POLRMT: variants seen among roughly 807,000 people sequenced by gnomAD.
POLRMT encodes the protein DNA-directed RNA polymerase, mitochondrial.
A neutral mutation model predicts 132.2 loss-of-function variants in POLRMT; 114 were observed. The ratio of observed to expected loss-of-function variants is 0.86; its 90% CI spans 0.74 to 1.01. The LOEUF is 1.01. Among genes scored for constraint, POLRMT ranks in the 50% least tolerant of loss-of-function variants. POLRMT has a pLI of 0.00. For missense variants in POLRMT, 2,003 were observed against 1,729.1 expected, an observed-to-expected ratio of 1.16 and a Z score of -2.81; for synonymous variants, 1,020 against 773.4, an observed-to-expected ratio of 1.32 and a Z score of -5.29.
At chr19:632,984 G>T in intron 1 of POLRMT, 46 bp from the exon 2 acceptor site, 1 of 1,358,646 alleles carries the variant, frequency 7.4e-7, no homozygotes, top group Non-Finnish European at 9.7e-7. Flanking sequence ...GCGTGTGGGC[G>T]GGGGCCTCCA....
chr19:627,384 C>A (rs1985100004), intron 3 of POLRMT, among the ~76,000 whole-genome samples: 1 of 151,294 alleles, frequency 6.6e-6, no homozygotes, highest in South Asian at 2.1e-4. Context: ...CATCTCCTGA[C>A]CTCGTGATCC....
chr19:628,419 G>A (rs916713202), intron 3 of POLRMT, among the ~76,000 whole-genome samples: 6 of 152,300 alleles, frequency 3.9e-5, no homozygotes, highest in South Asian at 4.1e-4. Flanking sequence ...TCCACCTCGC[G>A]GTAAGAGCAC....
chr19:633,218 A>T, intron 1 of POLRMT: 1 of 638,868 alleles, frequency 1.6e-6, no homozygotes, highest in Non-Finnish European at 2.4e-6. Context: ...AGGAGGCTGC[A>T]TAAGAAACCA....
rs1178936063 is a variant in POLRMT at position 622,770 on chromosome 19, G to A, written c.1456-18C>T. 6 of 1,571,624 alleles carry A rather than the reference G, an allele frequency of 3.8e-6. No individual in the cohort carries two copies. The highest frequency in any genetic ancestry group is 5.2e-6 in the Non-Finnish European group (6 of 1,160,590). On this transcript the variant is annotated intron_variant, in intron 7 of 20. Transcript: ENST00000588649. ...TGCAGGACCTGCGGAAGGCAGCCGT[G>A]AGTGCCTGCCCGCCCCGCCCGGGGA...
chr19:617,707 C>T (rs754156760), intron 18 of POLRMT, 52 bp from the exon 19 acceptor site: 2 of 1,611,296 alleles, frequency 1.2e-6, no homozygotes, highest in Non-Finnish European at 1.7e-6. Context: ...CTCTGGGCAC[C>T]ACCCCTACCC....
Position 617,485 on chromosome 19 carries a change from G to C in POLRMT, c.3582-5C>G. The C allele has an allele frequency of 6.2e-7, 1 of 1,611,482 alleles. No individual in the cohort carries two copies. The highest frequency in any genetic ancestry group is 1.3e-5 in the African/African-American group (1 of 75,006). ...GCCTCCAAGATCTTCTGGGGCCTGG[G>C]GTTGGAAGCAGGGTGGGGTGAGGCT... On this transcript the variant is annotated splice_region_variant and splice_polypyrimidine_tract_variant and intron_variant, in intron 19 of 20. Transcript: ENST00000588649.
chr19:621,720 AGT>A lies in POLRMT; in HGVS notation c.1976_1977del (p.His659LeufsTer102), dbSNP rs761396636. The A allele has an allele frequency of 6.3e-7, 1 of 1,596,258 alleles. No homozygotes were observed. The highest frequency in any genetic ancestry group is 1.1e-5 in the South Asian group (1 of 90,518). On this transcript the variant is annotated frameshift_variant, in exon 10 of 21. Transcript: ENST00000588649. LOFTEE classifies it high-confidence loss of function. ...LCPPLPWTSP[H>X]SGAFLLSPTK... is the part of the protein sequence containing the mutation. ...GTGGGGCTGAGCAGGAAAGCACCAG[AGT>A]GCGGCGATGTCCAGGGCAGCGGGGG...
chr19:628,058 G>A (rs945123545), intron 3 of POLRMT, among the ~76,000 whole-genome samples: 15 of 152,092 alleles, frequency 9.9e-5, no homozygotes, highest in African/African-American at 2.7e-4. Context: ...CCAGCTGCTC[G>A]GGAGGCTGAG....
chr19:626,200 G>C (rs1029648697), intron 3 of POLRMT, among the ~76,000 whole-genome samples: 1 of 151,820 alleles, frequency 6.6e-6, no homozygotes, highest in Non-Finnish European at 1.5e-5. Flanking sequence ...GCCCAGGCTG[G>C]AGTGCAGTGG....
intron 2 of POLRMT, 93 bp downstream of exon 2, chr19:632,741 C>G: frequency 8.7e-7 from 1 of 1,148,678 alleles, no homozygotes; most frequent in Non-Finnish European, 1.2e-6. Context: ...GGAGACCGCC[C>G]TCAGCCTGTC....
intron 1 of POLRMT, 111 bp from the exon 2 acceptor site, chr19:633,049 C>G (rs1024910280): frequency 1.3e-6 from 1 of 760,178 alleles, no homozygotes; most frequent in Non-Finnish European, 2.0e-6. Flanking sequence ...GCAGCGGAAA[C>G]TCTCGGAGCA....
In POLRMT at chr19:617,404, T is replaced by C. The variant is rs373582700; in HGVS notation, c.3643+15A>G. On this transcript the variant is annotated intron_variant, in intron 20 of 20. Transcript: ENST00000588649. ...GCAGTTCGAGCCACCCTTGCGAGGC[T>C]GCCCACCCGCCTACCTGGCTTGGGC... is the stretch of plus-strand genomic sequence containing the variant. The C allele has an allele frequency of 6.2e-7, 1 of 1,612,258 alleles. No individual in the cohort carries two copies. The highest frequency in any genetic ancestry group is 1.3e-5 in the African/African-American group (1 of 75,008).
intron 15 of POLRMT, 77 bp downstream of exon 15, chr19:618,920 G>T: frequency 7.3e-7 from 1 of 1,371,446 alleles, no homozygotes; most frequent in Non-Finnish European, 1.0e-6. Context: ...GTGGTGGTAC[G>T]CTGGGGCACT....
In POLRMT at chr19:625,070, T is replaced by A; in HGVS notation, c.953+54A>T. The A allele has an allele frequency of 6.3e-6, 10 of 1,579,268 alleles. No homozygotes were observed. In the South Asian group the frequency reaches 1.2e-4, roughly 18 times the overall value. ...CCAGCCCAGGCACCGTCCCAGATCT[T>A]AAAACCCTGGGAGGGACATGGTGGG... is the stretch of plus-strand genomic sequence containing the variant. On this transcript the variant is annotated intron_variant, in intron 4 of 20. Transcript: ENST00000588649.
At position 618,715 on chromosome 19, in the gene POLRMT, C is replaced by T. The variant is rs1394274729; in HGVS notation, c.3313G>A (p.Asp1105Asn). 2 of 1,607,776 alleles carry T rather than the reference C, an allele frequency of 1.2e-6. No individual in the cohort carries two copies. Among genetic ancestry groups the T allele is most frequent in the South Asian group, 1.1e-5 (1 of 90,318 alleles). Reference protein sequence around the residue: ...IQSITYTHNGDISRKPNTRKQ... With the variant: ...IQSITYTHNGNISRKPNTRKQ... The stretch of plus-strand genomic sequence containing the variant: ...GGGCCCCCCACTCACCGGCTGATGT[C>T]TCCGTTGTGGGTGTAGGTGATGCTC... The change falls in exon 16 of 21, where the codon GAC becomes AAC. Residue 1105 changes from aspartate (D) to asparagine (N), a missense_variant. Asp to Asn is a conservative substitution (Grantham distance 23). Transcript: ENST00000588649.
Position 621,656 on chromosome 19 carries a change from T to A in POLRMT, c.2042A>T (p.Gln681Leu). The A allele has an allele frequency of 1.8e-5, 27 of 1,540,110 alleles. No individual in the cohort carries two copies. The highest frequency in any genetic ancestry group is 2.4e-5 in the Non-Finnish European group (27 of 1,146,136). The part of the protein sequence containing the change: ...MRTVEGATQH[Q>L]ELLETCPPTA... ...GGGCGGGCAGGTTTCCAGCAGCTCC[T>A]GGTGCTGCGTGGCGCCTTCCACCGT... is the stretch of plus-strand genomic sequence containing the variant. The change falls in exon 10 of 21, where the codon CAG (glutamine) becomes CTG (leucine). Residue 681 changes from glutamine (Q) to leucine (L), a missense_variant. By Grantham distance (113) the Gln-to-Leu change is moderately radical (BLOSUM62 -2). Coordinates refer to ENST00000588649, the MANE Select transcript of POLRMT (RefSeq NM_005035.4).
rs562135350 is a variant in POLRMT at position 625,036 on chromosome 19, C to T, written c.953+88G>A. On this transcript the variant is annotated intron_variant, in intron 4 of 20. Coordinates refer to ENST00000588649, the MANE Select transcript of POLRMT (RefSeq NM_005035.4). ...TGTGGCTGTCAGGCCCTCTGGGGGTCCCCAGCCCCCAGCCCAGGCACCGTC... is the reference window on the plus strand; with the variant it reads ...TGTGGCTGTCAGGCCCTCTGGGGGTTCCCAGCCCCCAGCCCAGGCACCGTC... 1.5e-5 allele frequency: 23 copies of T among 1,520,178 alleles called. No individual in the cohort carries two copies. In the South Asian group the frequency reaches 2.9e-4, roughly 19 times the overall value. The allele number at this position is 1,520,178 out of a possible 1,614,324, so 94.2% of individuals were successfully genotyped here. A position where few individuals can be genotyped will look rare whatever the true frequency, so the allele number is the denominator to read the frequency against.
rs1340296129 is a variant in POLRMT at position 624,762 on chromosome 19, G to A, written c.1097C>T (p.Pro366Leu). Residue 366 changes from proline (P) to leucine (L), a missense_variant, in exon 5 of 21, where the codon CCC becomes CTC. Transcript: ENST00000588649. ...PTFSLPPQLP[P>L]PVNTSKLLRD... ...GAGCAGCTTGGAGGTGTTGACCGGG[G>A]GCGGCAGCTGCGGCGGGAGGCTGAA... The A allele has an allele frequency of 1.2e-6, 2 of 1,613,808 alleles. No individual in the cohort carries two copies. The highest frequency in any genetic ancestry group is 1.7e-6 in the Non-Finnish European group (2 of 1,180,014).
Position 629,698 on chromosome 19 carries a change from G to A in POLRMT, c.664C>T (p.Gln222Ter), listed in dbSNP as rs773388596. 6.2e-7 allele frequency: 1 copy of A among 1,605,426 alleles called. No homozygotes were observed. Among genetic ancestry groups the A allele is most frequent in the South Asian group, 1.1e-5 (1 of 90,534 alleles). Residue 222 changes from glutamine (Q) to a stop codon, truncating the protein, a stop_gained, in exon 3 of 21, where the codon CAG becomes TAG. Coordinates refer to ENST00000588649, the MANE Select transcript of POLRMT (RefSeq NM_005035.4). LOFTEE classifies it high-confidence loss of function. Reference protein sequence around the residue: ...GQHSQAQLSGQQQRLLAFFKC... With the variant: ...GQHSQAQLSG ...AAGAAGGCCAGGAGCCTCTGCTGCT[G>A]ACCTGAGAGCTGGGCCTGCGAGTGC... is the stretch of plus-strand genomic sequence containing the variant.
Sources: gnomAD v4.1 joint callset for allele counts (sites outside exome capture counted in the v4.1 genomes callset) on GRCh38, gnomAD v4.1.1 for gene constraint, MANE v1.5 for transcripts, NCBI Gene and HGNC (gene_info 2026-07-23, HGNC 2026-07-21) for gene names.